Variants in WNK1 observed in about 807,000 individuals in gnomAD.
The protein encoded by WNK1 is serine/threonine-protein kinase WNK1.
A neutral mutation model predicts 222.8 loss-of-function variants in WNK1; 38 were observed. The observed-to-expected ratio is 0.17, with a 90% CI of 0.13 to 0.22. The LOEUF is 0.22. WNK1 is among the 10% of genes least tolerant of loss of function. WNK1 has a pLI of 1.00. For synonymous variants in WNK1, 1,090 were observed against 1,092.9 expected, an observed-to-expected ratio of 1.00 and a Z score of 0.05; for missense variants, 2,348 against 2,918.4, an observed-to-expected ratio of 0.80 and a Z score of 4.50.
At chr12:813,427 T>C (rs1249786166) in intron 1 of WNK1, among the ~76,000 whole-genome samples, 1 of 152,208 alleles carries the variant, frequency 6.6e-6, no homozygotes, top group Non-Finnish European at 1.5e-5. Flanking sequence ...CTTACAAAAA[T>C]GAGACTATAT....
intron 9 of WNK1, among the ~76,000 whole-genome samples, chr12:873,881 T>G (rs560045361): frequency 0.018 from 2,730 of 152,186 alleles, 52 homozygotes; most frequent in Non-Finnish European, 0.029. Context: ...ATTTCATGCG[T>G]TTCTTGAACA....
In WNK1 at chr12:766,260, A is replaced by G. The variant is rs144406871; in HGVS notation, c.759+11936A>G. Among the ~76,000 whole-genome samples, 68 of 152,344 alleles carry G rather than the reference A, an allele frequency of 4.5e-4. 1 individual carries two copies. Among genetic ancestry groups the G allele is most frequent in the Non-Finnish European group, 9.0e-4 (61 of 68,034 alleles). On this transcript the variant is annotated intron_variant, in intron 1 of 27. Coordinates refer to ENST00000315939, the MANE Select transcript of WNK1 (RefSeq NM_018979.4). ...CCTGAATCCATAATAAAATATATGT[A>G]TGTAAATAAAAATTAAAAAATAAAA...
intron 4 of WNK1, among the ~76,000 whole-genome samples, chr12:844,751 C>T (rs902904520): frequency 1.3e-5 from 2 of 151,936 alleles, no homozygotes; most frequent in Non-Finnish European, 2.9e-5. Flanking sequence ...TGTTACTTTC[C>T]TAAAAGTTTT....
chr12:872,105 CTTCAAGAACATTTAT>C (rs1304555699), intron 9 of WNK1, among the ~76,000 whole-genome samples: 2 of 152,070 alleles, frequency 1.3e-5, no homozygotes, highest in African/African-American at 4.8e-5. Context: ...AGAACAATTA[CTTCAAGAACATTTAT>C]TTATTTATTT....
rs72649858 is a variant in WNK1, at chr12:869,303, T to A, written c.2140-1962T>A. ...CAAAATGTGAGAGAAGCTACCTGATTTACCTATTATATGTGAAAACCAGTG... is the reference window on the plus strand; with the variant it reads ...CAAAATGTGAGAGAAGCTACCTGATATACCTATTATATGTGAAAACCAGTG... On this transcript the variant is annotated intron_variant, in intron 8 of 27. Coordinates refer to ENST00000315939, the MANE Select transcript of WNK1 (RefSeq NM_018979.4). The A allele has an allele frequency of 2.3e-5, 16 of 709,658 alleles. No homozygotes were observed. In the African/African-American group the frequency reaches 2.7e-4, roughly 12 times the overall value. 44.0% of individuals were successfully genotyped at this position (709,658 alleles called of 1,614,324 possible).
chr12:866,026 TA>T (rs1157890786), intron 8 of WNK1, among the ~76,000 whole-genome samples: 2 of 151,702 alleles, frequency 1.3e-5, no homozygotes, highest in African/African-American at 2.4e-5. Flanking sequence ...TTAATGTTTA[TA>T]AAAGATCTAT....
rs72650732 is a variant in WNK1, at chr12:885,406, TAGC to T, written c.4605_4607del (p.Ser1536del). Reference sequence around the variant, plus strand: ...CACACTCACTAGATAAGACATCTCATAGCAGTACAACTGGATTGGCTTTCTCCC... The same window carrying T: ...CACACTCACTAGATAAGACATCTCATAGTACAACTGGATTGGCTTTCTCCC... On this transcript the variant is annotated inframe_deletion, in exon 19 of 28. Transcript: ENST00000315939. 2,213 of 1,613,742 alleles carry T rather than the reference TAGC, an allele frequency of 1.4e-3. 7 individuals are homozygous for T. The highest frequency in any genetic ancestry group is 4.7e-3 in the Admixed American group (284 of 60,022).
chr12:772,558 G>C (rs1316621727), intron 1 of WNK1, among the ~76,000 whole-genome samples: 1 of 151,966 alleles, frequency 6.6e-6, no homozygotes, highest in African/African-American at 2.4e-5. Flanking sequence ...GGCATCATTT[G>C]CCTGATTTAC....
chr12:804,368 A>C (rs1216907391), intron 1 of WNK1, among the ~76,000 whole-genome samples: 1 of 152,174 alleles, frequency 6.6e-6, no homozygotes, highest in Non-Finnish European at 1.5e-5. Flanking sequence ...AATGTTGTGC[A>C]ATTACTATCA....
chr12:815,069 C>T (rs933048528), intron 2 of WNK1, among the ~76,000 whole-genome samples: 2 of 152,130 alleles, frequency 1.3e-5, no homozygotes, highest in African/African-American at 4.8e-5. Context: ...GTAATGCGAG[C>T]AGTGAGGGAG....
chr12:798,698 T>C (rs931956461), intron 1 of WNK1, among the ~76,000 whole-genome samples: 9 of 152,184 alleles, frequency 5.9e-5, no homozygotes, highest in Admixed American at 2.6e-4. Context: ...TTAAGTGTCT[T>C]GCTAGTAAGA....
chr12:897,456 TTA>T, intron 24 of WNK1, 21 bp from the exon 25 acceptor site: 1 of 1,423,742 alleles, frequency 7.0e-7, no homozygotes. Context: ...GTATTTTGAA[TTA>T]TGTTTGGTTA....
chr12:771,312 T>G (rs1942467625), intron 1 of WNK1, among the ~76,000 whole-genome samples: 1 of 152,118 alleles, frequency 6.6e-6, no homozygotes, highest in South Asian at 2.1e-4. Context: ...TATTCTTTAG[T>G]AATTTCTGGC....
At chr12:838,841 A>G (rs895365550) in intron 4 of WNK1, among the ~76,000 whole-genome samples, 1 of 152,192 alleles carries the variant, frequency 6.6e-6, no homozygotes, top group Non-Finnish European at 1.5e-5. Flanking sequence ...GTAAGGTACT[A>G]GAGATTGGAA....
intron 4 of WNK1, among the ~76,000 whole-genome samples, chr12:843,215 G>A (rs535826668): frequency 3.9e-5 from 6 of 152,206 alleles, no homozygotes; most frequent in East Asian, 1.9e-4. Flanking sequence ...GGGATTACAG[G>A]TGTGAGCGAC....
Position 782,796 on chromosome 12 carries a change from G to A in WNK1, c.759+28472G>A, listed in dbSNP as rs1047194123. On this transcript the variant is annotated intron_variant, in intron 1 of 27. Coordinates refer to ENST00000315939, the MANE Select transcript of WNK1 (RefSeq NM_018979.4). ...TGGGATTACAGACATGAGCCACTGC[G>A]CCCAACCTAGTTTAAATTTTCTAGT... Among the ~76,000 whole-genome samples, 4 of 150,898 alleles carry A rather than the reference G, an allele frequency of 2.7e-5. No homozygotes were observed. The East Asian group carries it at 5.9e-4, about 22-fold the overall frequency.
intron 1 of WNK1, among the ~76,000 whole-genome samples, chr12:771,003 T>C (rs1942406936): frequency 6.6e-6 from 1 of 151,336 alleles, no homozygotes; most frequent in Non-Finnish European, 1.5e-5. Context: ...TTATATTTTC[T>C]TTTTTTTTGG....
chr12:775,631 G>C (rs76534231), intron 1 of WNK1, among the ~76,000 whole-genome samples: 1 of 152,014 alleles, frequency 6.6e-6, no homozygotes, highest in Non-Finnish European at 1.5e-5. Context: ...AGCTATGGTC[G>C]TGCCACTCTA....
chr12:868,847 A>C lies in WNK1; in HGVS notation c.2140-2418A>C. 6.2e-7 allele frequency: 1 copy of C among 1,613,978 alleles called. No homozygotes were observed. ...TTCTGTGGTAGAGCCTATCGGACAGAACTGGCCAATAGGAAGCCCAGAATA... is the reference window on the plus strand; with the variant it reads ...TTCTGTGGTAGAGCCTATCGGACAGCACTGGCCAATAGGAAGCCCAGAATA... On this transcript the variant is annotated intron_variant, in intron 8 of 27. Transcript: ENST00000315939.
Sources: gnomAD v4.1 joint callset for allele counts (sites outside exome capture counted in the v4.1 genomes callset) on GRCh38, gnomAD v4.1.1 for gene constraint, MANE v1.5 for transcripts, NCBI Gene and HGNC (gene_info 2026-07-23, HGNC 2026-07-21) for gene names.